SNX10: variants seen among roughly 807,000 people sequenced by gnomAD.
SNX10 encodes sorting nexin 10.
SNX10 carries 25 observed loss-of-function variants against 28.5 expected under a neutral mutation model. The ratio of observed to expected loss-of-function variants is 0.88; its 90% CI spans 0.64 to 1.22. SNX10 has a LOEUF of 1.22. SNX10 is among the 50% of genes most tolerant of loss of function. The pLI, the probability that SNX10 is intolerant of heterozygous loss-of-function variation, is 0.00. For synonymous variants in SNX10, 62 were observed against 81.4 expected, an observed-to-expected ratio of 0.76 and a Z score of 1.28; for missense variants, 223 against 242.6, an observed-to-expected ratio of 0.92 and a Z score of 0.54.
rs1789695565 is a variant in SNX10, at chr7:26,374,345, T to G, written c.*1773T>G. ...AAAAAATCAACTTTGCCGGATCACT[T>G]ATTTTATACAAGAGAATATATTCTG... On this transcript the variant is annotated 3_prime_UTR_variant, in exon 7 of 7. Coordinates refer to ENST00000338523, the MANE Select transcript of SNX10 (RefSeq NM_013322.3). The G allele has an allele frequency of 6.6e-6, 1 of 152,120 alleles. No homozygotes were observed. The highest frequency in any genetic ancestry group is 6.5e-5 in the Admixed American group (1 of 15,284). The allele number at this position is 152,120 out of a possible 1,614,324, so 9.4% of individuals were successfully genotyped here. A position where few individuals can be genotyped will look rare whatever the true frequency, so the allele number is the denominator to read the frequency against.
At chr7:26,321,471 A>T (rs547411369) in intron 1 of SNX10, among the ~76,000 whole-genome samples, 1 of 152,270 alleles carries the variant, frequency 6.6e-6, no homozygotes, top group East Asian at 1.9e-4. Flanking sequence ...GGATCACAAG[A>T]TTAGCTTTCT....
intron 1 of SNX10, among the ~76,000 whole-genome samples, chr7:26,297,052 A>T (rs1786138025): frequency 6.6e-6 from 1 of 152,104 alleles, no homozygotes; most frequent in African/African-American, 2.4e-5. Flanking sequence ...TCAAAACCAA[A>T]ATTATAAATA....
Position 26,372,594 on chromosome 7 carries a change from T to A in SNX10, c.*22T>A. 7.1e-7 allele frequency: 1 copy of A among 1,400,958 alleles called. No homozygotes were observed. The highest frequency in any genetic ancestry group is 1.0e-6 in the Non-Finnish European group (1 of 986,470). 86.8% of individuals were successfully genotyped at this position (1,400,958 alleles called of 1,614,324 possible). A position where few individuals can be genotyped will look rare whatever the true frequency, so the allele number is the denominator to read the frequency against. ...CTGAAAAATAATTCTAATGTTACTA[T>A]CTTAGGAATAGCAAATTATGTCCAG... On this transcript the variant is annotated 3_prime_UTR_variant, in exon 7 of 7. Coordinates refer to ENST00000338523, the MANE Select transcript of SNX10 (RefSeq NM_013322.3).
At chr7:26,325,015 G>A (rs1364492905) in intron 1 of SNX10, among the ~76,000 whole-genome samples, 3 of 152,034 alleles carry the variant, frequency 2.0e-5, no homozygotes, top group Admixed American at 1.3e-4. Context: ...CAGAGGATGG[G>A]TGGTCTCAGA....
intron 2 of SNX10, among the ~76,000 whole-genome samples, chr7:26,359,224 C>A (rs970570846): frequency 6.6e-6 from 1 of 152,086 alleles, no homozygotes; most frequent in African/African-American, 2.4e-5. Flanking sequence ...GGACAGAAGT[C>A]TCCAGTGCAA....
At chr7:26,363,664 GTTTA>G (rs1222977242) in intron 3 of SNX10, among the ~76,000 whole-genome samples, 1 of 152,172 alleles carries the variant, frequency 6.6e-6, no homozygotes, top group African/African-American at 2.4e-5. Context: ...CTCGTCTTAT[GTTTA>G]CCCAAAGGAG....
chr7:26,332,231 T>C (rs1046982644), intron 1 of SNX10, among the ~76,000 whole-genome samples: 1 of 152,220 alleles, frequency 6.6e-6, no homozygotes, highest in African/African-American at 2.4e-5. Context: ...TTGCTTTACC[T>C]CCTTGGCAGC....
chr7:26,347,368 T>A (rs1306607912), intron 2 of SNX10, among the ~76,000 whole-genome samples: 1 of 152,204 alleles, frequency 6.6e-6, no homozygotes, highest in African/African-American at 2.4e-5. Context: ...TTTTGGTTTG[T>A]TTTTTAACTT....
intron 2 of SNX10, among the ~76,000 whole-genome samples, chr7:26,352,506 A>G (rs1012389348): frequency 2.0e-5 from 3 of 152,240 alleles, no homozygotes; most frequent in African/African-American, 4.8e-5. Flanking sequence ...ACCAGCTTCA[A>G]CAATTTACTA....
intron 5 of SNX10, among the ~76,000 whole-genome samples, chr7:26,367,126 C>T (rs1789322352): frequency 6.6e-6 from 1 of 152,026 alleles, no homozygotes; most frequent in Non-Finnish European, 1.5e-5. Flanking sequence ...CCACACATAG[C>T]CAACCTCACT....
intron 1 of SNX10, among the ~76,000 whole-genome samples, chr7:26,327,816 G>A (rs1472830402): frequency 1.5e-5 from 2 of 134,362 alleles, no homozygotes; most frequent in Non-Finnish European, 3.1e-5. Flanking sequence ...TGCAAGCTCC[G>A]CCTCCCGGGT....
intron 1 of SNX10, among the ~76,000 whole-genome samples, chr7:26,343,455 T>C (rs1038854344): frequency 6.6e-6 from 1 of 152,156 alleles, no homozygotes; most frequent in African/African-American, 2.4e-5. Flanking sequence ...GAAGTTTAAT[T>C]ACACAAGGAA....
In SNX10 at chr7:26,342,887, G is replaced by A. The variant is rs555218480; in HGVS notation, c.-23-3533G>A. Among the ~76,000 whole-genome samples, 9 of 152,152 alleles carry A rather than the reference G, an allele frequency of 5.9e-5. No homozygotes were observed. In the South Asian group the frequency reaches 1.9e-3, roughly 32 times the overall value. On this transcript the variant is annotated intron_variant, in intron 1 of 6. Transcript: ENST00000338523. ...AGTGGCATGATCATGGCTCACCGCA[G>A]CGTTGACCTCCCAGGCTCAAGCAGT... is the stretch of plus-strand genomic sequence containing the variant.
chr7:26,304,107 G>A (rs1786481852), intron 1 of SNX10, among the ~76,000 whole-genome samples: 1 of 152,154 alleles, frequency 6.6e-6, no homozygotes, highest in South Asian at 2.1e-4. Context: ...GGAACGTGGT[G>A]GTGCACTGTG....
intron 3 of SNX10, among the ~76,000 whole-genome samples, chr7:26,363,039 G>A (rs78354801): frequency 0.011 from 1,673 of 152,188 alleles, 30 homozygotes; most frequent in African/African-American, 0.038. Flanking sequence ...TTAGGGAGAG[G>A]GTACCGGGAA....
In SNX10 at chr7:26,344,227, A is replaced by G. The variant is rs76812475; in HGVS notation, c.-23-2193A>G. Among the ~76,000 whole-genome samples, 917 of 136,580 alleles carry G rather than the reference A, an allele frequency of 6.7e-3. 7 individuals are homozygous for G. Among genetic ancestry groups the G allele is most frequent in the African/African-American group, 0.024 (862 of 35,626 alleles). 89.6% of individuals were successfully genotyped at this position (136,580 alleles called of 152,430 possible). A position where few individuals can be genotyped will look rare whatever the true frequency, so the allele number is the denominator to read the frequency against. On this transcript the variant is annotated intron_variant, in intron 1 of 6. Transcript: ENST00000338523. ...AGGTCTCTCACTCAAGCTGGAGTGCAGTAGCACAGTCTCAGCTCACTGCAA... is the reference window on the plus strand; with the variant it reads ...AGGTCTCTCACTCAAGCTGGAGTGCGGTAGCACAGTCTCAGCTCACTGCAA...
rs367602157 is a variant in SNX10, at chr7:26,372,623, T to C, written c.*51T>C. ...AGGAATAGCAAATTATGTCCAGTCA[T>C]AGAGAAGAAAGCTTCATAATAATAC... On this transcript the variant is annotated 3_prime_UTR_variant, in exon 7 of 7. Transcript: ENST00000338523. 2.3e-5 allele frequency: 24 copies of C among 1,049,238 alleles called. No homozygotes were observed. In the Middle Eastern group the frequency reaches 6.0e-4, roughly 26 times the overall value. The allele number at this position is 1,049,238 out of a possible 1,614,324, so 65.0% of individuals were successfully genotyped here.
intron 1 of SNX10, among the ~76,000 whole-genome samples, chr7:26,344,947 G>A (rs1304106230): frequency 6.6e-6 from 1 of 152,112 alleles, no homozygotes; most frequent in East Asian, 1.9e-4. Context: ...AGAGGCCCTA[G>A]GGCAGAATCC....
At chr7:26,308,039 G>C (rs1786664747) in intron 1 of SNX10, among the ~76,000 whole-genome samples, 2 of 152,110 alleles carry the variant, frequency 1.3e-5, no homozygotes, top group South Asian at 4.1e-4. Context: ...TTGTTCTTCA[G>C]GGACTTCCCA....
Sources: gnomAD v4.1 joint callset for allele counts (sites outside exome capture counted in the v4.1 genomes callset) on GRCh38, gnomAD v4.1.1 for gene constraint, MANE v1.5 for transcripts, NCBI Gene and HGNC (gene_info 2026-07-23, HGNC 2026-07-21) for gene names.